The following DIDO1 variants were observed in gnomAD, a reference collection of about 807,000 sequenced individuals.
The protein encoded by DIDO1 is death inducer-obliterator 1, also known as death-inducer obliterator 1.
DIDO1 carries 16 observed loss-of-function variants against 99.4 expected under a neutral mutation model. The ratio of observed to expected loss-of-function variants is 0.16; its 90% CI spans 0.11 to 0.24. The LOEUF (loss-of-function observed/expected upper bound fraction) is 0.24. DIDO1 is among the 10% of genes least tolerant of loss of function. The pLI, the probability that DIDO1 is intolerant of heterozygous loss-of-function variation, is 1.00. For missense variants in DIDO1, 2,996 were observed against 3,014.0 expected, an observed-to-expected ratio of 0.99 and a Z score of 0.14; for synonymous variants, 1,366 against 1,239.1, an observed-to-expected ratio of 1.10 and a Z score of -2.15.
Position 62,879,894 on chromosome 20 carries a change from G to A in DIDO1, c.6062C>T (p.Pro2021Leu). The A allele has an allele frequency of 1.3e-6, 2 of 1,587,060 alleles. No individual in the cohort carries two copies. The highest frequency in any genetic ancestry group is 1.7e-6 in the Non-Finnish European group (2 of 1,169,210). ...AAGCTCCAGCAGGGGCCTGGGGCCC[G>A]GCTTCATCACCTGCGGGGCCTGGCC... ...FQGQAPQVMK[P>L]GPRPLLELPS... The change falls in exon 16 of 16, where the codon CCG becomes CTG. Residue 2021 changes from proline (P) to leucine (L), a missense_variant. Physicochemically the swap from Pro to Leu is moderately conservative, Grantham distance 98. Around this residue, in one of 5 missense-constraint regions of DIDO1, gnomAD observed 1,562 missense variants for 1,412.6 expected, o/e 1.11. Coordinates refer to ENST00000395343, the MANE Select transcript of DIDO1 (RefSeq NM_001193369.2). The surrounding 1 kb of genome is among the most constrained non-coding windows in gnomAD (Gnocchi z 6.3).
Position 62,882,122 on chromosome 20 carries a change from G to A in DIDO1, c.3834C>T (p.Ser1278=). The A allele has an allele frequency of 6.2e-7, 1 of 1,613,206 alleles. No individual in the cohort carries two copies. Among genetic ancestry groups the A allele is most frequent in the Middle Eastern group, 1.6e-4 (1 of 6,062 alleles). ...CTGGGCTGGGGGCTGCAGGTTTGAG[G>A]GATGACAGCACTTTTAGCACCGGTG... ...PEPPVLKVLS[S]LKPAAPSPAT... Residue 1278 remains serine (S), a synonymous_variant, in exon 16 of 16, where the codon TCC becomes TCT. Coordinates refer to ENST00000395343, the MANE Select transcript of DIDO1 (RefSeq NM_001193369.2).
At chr20:62,933,970 G>C (rs1376907097) in intron 1 of DIDO1, among the ~76,000 whole-genome samples, 1 of 152,148 alleles carries the variant, frequency 6.6e-6, no homozygotes, top group Non-Finnish European at 1.5e-5. Context: ...ACCTCAGCTT[G>C]CAAGACACTG....
chr20:62,894,557 G>C lies in DIDO1; in HGVS notation c.2437-9C>G, dbSNP rs564696143. ...GCTGACTCTTGCTGTTCCTAAAAAA[G>C]AAAAAGAAAAAAAAGTGAGGTCGTT... is the stretch of plus-strand genomic sequence containing the variant. On this transcript the variant is annotated splice_polypyrimidine_tract_variant and intron_variant, in intron 10 of 15. Transcript: ENST00000395343. This position sits in a 1 kb window ranked among gnomAD's most constrained non-coding sequence, Gnocchi z 4.4. 4.4e-6 allele frequency: 7 copies of C among 1,590,100 alleles called. No individual in the cohort carries two copies. The South Asian group carries it at 7.9e-5, about 18-fold the overall frequency.
At chr20:62,917,797 A>G (rs1398369152) in intron 1 of DIDO1, among the ~76,000 whole-genome samples, 2 of 152,266 alleles carry the variant, frequency 1.3e-5, no homozygotes, top group Non-Finnish European at 2.9e-5. Flanking sequence ...ACGGTGCTGA[A>G]GAGGGCTCCA....
chr20:62,887,171 C>CAGGA, intron 15 of DIDO1: 2 of 985,490 alleles, frequency 2.0e-6, no homozygotes, highest in Non-Finnish European at 2.4e-6. Flanking sequence ...GATAGGTGAC[C>CAGGA]AGGAGCCACC....
chr20:62,890,803 C>A, intron 15 of DIDO1, 157 bp downstream of exon 15: 1 of 1,498,816 alleles, frequency 6.7e-7, no homozygotes, highest in Non-Finnish European at 8.9e-7. Context: ...AGTCCTACGC[C>A]CTCAAAGATG....
intron 6 of DIDO1, among the ~76,000 whole-genome samples, chr20:62,898,039 C>T (rs950465615): frequency 2.0e-5 from 3 of 152,168 alleles, no homozygotes; most frequent in East Asian, 1.9e-4. Context: ...TTCCAACGAT[C>T]GGTACAGCAG....
At chr20:62,886,099 G>A (rs994420834) in intron 15 of DIDO1, among the ~76,000 whole-genome samples, 1 of 152,252 alleles carries the variant, frequency 6.6e-6, no homozygotes. Flanking sequence ...GTGGCACAGG[G>A]CACGGTAGGC....
Position 62,896,377 on chromosome 20 carries a change from A to G in DIDO1, c.2070T>C (p.Asp690=). ...CTTCGTTTTCTGTCATGATTAAGTC[A>G]TCGCTGTCATTGACTCTGAACAGAA... is the stretch of plus-strand genomic sequence containing the variant. ...EILWKRVNDS[D]DLIMTENEVG... Residue 690 remains aspartate (D), a synonymous_variant, in exon 8 of 16, where the codon GAT becomes GAC. Coordinates refer to ENST00000395343, the MANE Select transcript of DIDO1 (RefSeq NM_001193369.2). The surrounding 1 kb of genome is among the most constrained non-coding windows in gnomAD (Gnocchi z 4.4). 1.2e-6 allele frequency: 2 copies of G among 1,614,060 alleles called. No homozygotes were observed. The highest frequency in any genetic ancestry group is 1.7e-6 in the Non-Finnish European group (2 of 1,180,010).
Position 62,911,354 on chromosome 20 carries a change from T to C in DIDO1, c.259A>G (p.Arg87Gly), listed in dbSNP as rs1409349452. 1.2e-6 allele frequency: 2 copies of C among 1,609,632 alleles called. No individual in the cohort carries two copies. The highest frequency in any genetic ancestry group is 1.7e-6 in the Non-Finnish European group (2 of 1,179,964). Reference sequence around the variant, plus strand: ...TCCTCCAGGGAGACAGGCATGCTCCTCCTGCCGCGGCGCCGCGCAATGGTC... The same window carrying C: ...TCCTCCAGGGAGACAGGCATGCTCCCCCTGCCGCGGCGCCGCGCAATGGTC... ...FLTIARRRGR[R>G]SMPVSLEDSG... The change falls in exon 3 of 16, where the codon AGG becomes GGG. Residue 87 changes from arginine to glycine, a missense_variant. This residue lies in a region of DIDO1 where 388 missense variants were observed against 376.6 expected (regional missense o/e 1.03). Coordinates refer to ENST00000395343, the MANE Select transcript of DIDO1 (RefSeq NM_001193369.2). This position sits in a 1 kb window ranked among gnomAD's most constrained non-coding sequence, Gnocchi z 7.0.
At chr20:62,891,300 G>T in intron 14 of DIDO1, 145 bp from the exon 15 acceptor site, 1 of 1,383,782 alleles carries the variant, frequency 7.2e-7, no homozygotes, top group Non-Finnish European at 9.7e-7. Flanking sequence ...TCTCAGTGAG[G>T]CAATTCACGT....
intron 1 of DIDO1, among the ~76,000 whole-genome samples, chr20:62,931,737 G>A (rs905429772): frequency 6.6e-6 from 1 of 152,150 alleles, no homozygotes; most frequent in African/African-American, 2.4e-5. Flanking sequence ...CCCATTCTTG[G>A]GCCTTCTACC....
intron 15 of DIDO1, chr20:62,887,588 C>CAGACCAAGGCTCCG: frequency 1.0e-6 from 1 of 985,506 alleles, no homozygotes; most frequent in Non-Finnish European, 1.2e-6. Flanking sequence ...ACAGGCATTT[C>CAGACCAAGGCTCCG]AGACCAAGGC....
chr20:62,896,803 G>C lies in DIDO1; in HGVS notation c.1782C>G (p.Ile594Met). 5.6e-6 allele frequency: 9 copies of C among 1,614,182 alleles called. No homozygotes were observed. Among genetic ancestry groups the C allele is most frequent in the Non-Finnish European group, 7.6e-6 (9 of 1,180,046 alleles). ...KKPPSGFKGT[I>M]PKRPWLSATP... ...TAGCGGAGAGCCATGGCCTCTTGGG[G>C]ATGGTGCCCTTGAAACCTGAGGGTG... The change falls in exon 7 of 16, where the codon ATC becomes ATG. Residue 594 changes from isoleucine to methionine, a missense_variant. Ile to Met is a conservative substitution (Grantham distance 10). Coordinates refer to ENST00000395343, the MANE Select transcript of DIDO1 (RefSeq NM_001193369.2). This position sits in a 1 kb window ranked among gnomAD's most constrained non-coding sequence, Gnocchi z 4.4.
chr20:62,926,613 C>T (rs568652095), upstream of DIDO1: 10 of 152,344 alleles, frequency 6.6e-5, no homozygotes, highest in Middle Eastern at 3.4e-3. Context: ...CGGCCCCGGA[C>T]TGCGCGCATG....
At chr20:62,889,151 G>A (rs1037763108) in intron 15 of DIDO1, 1 of 985,532 alleles carries the variant, frequency 1.0e-6, no homozygotes, top group Non-Finnish European at 1.2e-6. Context: ...AGCAGACAAG[G>A]TGAGTGACCC....
intron 1 of DIDO1, among the ~76,000 whole-genome samples, chr20:62,924,631 C>T (rs894764607): frequency 6.6e-6 from 1 of 152,198 alleles, no homozygotes; most frequent in Non-Finnish European, 1.5e-5. Context: ...ATCATTTCCT[C>T]CTTACATGAA....
chr20:62,926,233 C>T (rs998332684), intron 1 of DIDO1, among the ~76,000 whole-genome samples: 5 of 146,034 alleles, frequency 3.4e-5, no homozygotes, highest in African/African-American at 5.3e-5. Flanking sequence ...CAGGCCGCGG[C>T]GGCTCTGACC....
chr20:62,901,710 G>A (rs908808927), intron 6 of DIDO1, among the ~76,000 whole-genome samples: 2 of 151,270 alleles, frequency 1.3e-5, no homozygotes, highest in Admixed American at 6.6e-5. Context: ...GAAAGTTGCC[G>A]CAACCTTCAT....
Sources: allele counts gnomAD v4.1 joint callset (sites outside exome capture counted in the v4.1 genomes callset), GRCh38; gene constraint gnomAD v4.1.1; regional missense constraint gnomAD v4.1.1; non-coding constraint Gnocchi (gnomAD v3.1); transcripts MANE v1.5; gene names NCBI Gene and HGNC (gene_info 2026-07-23, HGNC 2026-07-21).